Variants in MTMR7 observed in about 807,000 individuals in gnomAD.
The protein encoded by MTMR7 is phosphatidylinositol-3-phosphate phosphatase MTMR7.
A neutral mutation model predicts 81.2 loss-of-function variants in MTMR7; 76 were observed. The ratio of observed to expected loss-of-function variants is 0.94; its 90% CI spans 0.78 to 1.13. The LOEUF (loss-of-function observed/expected upper bound fraction) is 1.13. Among genes scored for constraint, MTMR7 ranks in the 50% most tolerant of loss-of-function variants. The pLI is 0.00. For synonymous variants in MTMR7, 372 were observed against 289.8 expected, an observed-to-expected ratio of 1.28 and a Z score of -2.88; for missense variants, 1,044 against 820.0, an observed-to-expected ratio of 1.27 and a Z score of -3.34.
At chr8:17,369,558 T>TTAATA (rs769222620) in intron 3 of MTMR7, among the ~76,000 whole-genome samples, 17 of 152,234 alleles carry the variant, frequency 1.1e-4, no homozygotes, top group Admixed American at 3.3e-4. Flanking sequence ...TACTTCTGTG[T>TTAATA]AGCACAACTT....
At chr8:17,334,743 A>G (rs1819172494) in intron 6 of MTMR7, among the ~76,000 whole-genome samples, 1 of 152,228 alleles carries the variant, frequency 6.6e-6, no homozygotes, top group Non-Finnish European at 1.5e-5. Flanking sequence ...GTGGTCCCAG[A>G]TGACATCCAC....
rs1816932137 is a variant in MTMR7, at chr8:17,299,135, CA to C, written c.*726del. On this transcript the variant is annotated 3_prime_UTR_variant, in exon 14 of 14. Coordinates refer to ENST00000180173, the MANE Select transcript of MTMR7 (RefSeq NM_004686.5). ...TGATACTTAAATTCATATGTAAGAC[CA>C]GGAGAATGAATGTTGCTTCTACCTC... The C allele has an allele frequency of 6.6e-6, 1 of 152,122 alleles. No individual in the cohort carries two copies. The highest frequency in any genetic ancestry group is 2.4e-5 in the African/African-American group (1 of 41,410). The allele number at this position is 152,122 out of a possible 1,614,324, so 9.4% of individuals were successfully genotyped here.
intron 10 of MTMR7, among the ~76,000 whole-genome samples, chr8:17,307,236 G>C (rs987335265): frequency 1.4e-4 from 21 of 152,160 alleles, no homozygotes; most frequent in Admixed American, 1.3e-3. Context: ...GATATGAAAA[G>C]ACACTTCTCA....
intron 4 of MTMR7, among the ~76,000 whole-genome samples, chr8:17,356,794 A>C (rs1017200500): frequency 1.3e-5 from 2 of 152,164 alleles, no homozygotes; most frequent in African/African-American, 4.8e-5. Flanking sequence ...CAGAAGTGGC[A>C]CTGTGGGATC....
chr8:17,353,404 T>C (rs1819787731), intron 4 of MTMR7, among the ~76,000 whole-genome samples: 1 of 152,148 alleles, frequency 6.6e-6, no homozygotes, highest in South Asian at 2.1e-4. Flanking sequence ...AACTATACCT[T>C]AAAAATGACT....
chr8:17,313,922 C>T (rs188130061), intron 7 of MTMR7, among the ~76,000 whole-genome samples: 40 of 152,304 alleles, frequency 2.6e-4, no homozygotes, highest in African/African-American at 8.4e-4. Flanking sequence ...CAATAACCCC[C>T]ACCCAATGGG....
chr8:17,359,047 C>A (rs941084823), intron 4 of MTMR7, among the ~76,000 whole-genome samples: 2 of 152,030 alleles, frequency 1.3e-5, no homozygotes, highest in Non-Finnish European at 2.9e-5. Flanking sequence ...GTGCACACCT[C>A]CATGTCCAGC....
chr8:17,352,744 C>T (rs547800330), intron 4 of MTMR7, among the ~76,000 whole-genome samples: 19 of 152,292 alleles, frequency 1.2e-4, no homozygotes, highest in African/African-American at 4.6e-4. Context: ...TGCTAACTCA[C>T]AATTGTTAGG....
At position 17,373,277 on chromosome 8, in the gene MTMR7, A is replaced by G. The variant is rs1820476013; in HGVS notation, c.25-37T>C. 2.5e-6 allele frequency: 4 copies of G among 1,579,348 alleles called. No individual in the cohort carries two copies. The African/African-American group carries it at 4.1e-5, about 16-fold the overall frequency. ...GGCATGATGAAAAGAGTTACCGTAA[A>G]GCAGAAGAGCAATTCACGAAATAAA... is the stretch of plus-strand genomic sequence containing the variant. On this transcript the variant is annotated intron_variant, in intron 1 of 13. Coordinates refer to ENST00000180173, the MANE Select transcript of MTMR7 (RefSeq NM_004686.5).
chr8:17,396,548 G>C (rs1821256998), intron 1 of MTMR7, among the ~76,000 whole-genome samples: 2 of 152,142 alleles, frequency 1.3e-5, no homozygotes, highest in South Asian at 4.1e-4. Context: ...CTTAGCTAGA[G>C]GGAAATTGCC....
Position 17,311,609 on chromosome 8 carries a change from G to A in MTMR7, c.1003C>T (p.Leu335Phe). Residue 335 changes from leucine (L) to phenylalanine (F), a missense_variant, in exon 9 of 14, where the codon CTT (leucine) becomes TTT (phenylalanine). By Grantham distance (22) the Leu-to-Phe change is conservative. Coordinates refer to ENST00000180173, the MANE Select transcript of MTMR7 (RefSeq NM_004686.5). ...TCCCAGCCATCAGAACAGTGAACAA[G>A]CACACTTGCCCCTTCCTCTGACACT... ...KAVSEEGASVLVHCSDGWDRT... is the reference protein window; with the variant it reads ...KAVSEEGASVFVHCSDGWDRT... 1.2e-6 allele frequency: 2 copies of A among 1,614,060 alleles called. No individual in the cohort carries two copies. The highest frequency in any genetic ancestry group is 1.7e-6 in the Non-Finnish European group (2 of 1,180,002).
At chr8:17,304,746 C>CGTGTGTGTGTGTGTGCGT (rs1817341326) in intron 11 of MTMR7, among the ~76,000 whole-genome samples, 1 of 146,992 alleles carries the variant, frequency 6.8e-6, no homozygotes, top group South Asian at 2.1e-4. Context: ...GTGTTCGATT[C>CGTGTGTGTGTGTGTGCGT]GTGTGTGTGT....
chr8:17,378,866 T>C (rs1820672759), intron 1 of MTMR7, among the ~76,000 whole-genome samples: 1 of 152,202 alleles, frequency 6.6e-6, no homozygotes, highest in South Asian at 2.1e-4. Context: ...GTCTTAGATT[T>C]GTTGAAATGT....
At chr8:17,309,383 A>G in intron 9 of MTMR7, 57 bp from the exon 10 acceptor site, 1 of 1,170,192 alleles carries the variant, frequency 8.5e-7, no homozygotes, top group Non-Finnish European at 1.3e-6. Context: ...ATAAGAGACC[A>G]CACAACCAAT....
At chr8:17,320,489 C>G (rs1402154098) in intron 7 of MTMR7, among the ~76,000 whole-genome samples, 1 of 152,012 alleles carries the variant, frequency 6.6e-6, no homozygotes, top group African/African-American at 2.4e-5. Context: ...CAGGAGCATT[C>G]TGAGAGGCAG....
At chr8:17,316,348 TA>T (rs1818070548) in intron 7 of MTMR7, among the ~76,000 whole-genome samples, 1 of 151,982 alleles carries the variant, frequency 6.6e-6, no homozygotes, top group African/African-American at 2.4e-5. Context: ...ATTATGTAAA[TA>T]AATTTCATTA....
intron 7 of MTMR7, among the ~76,000 whole-genome samples, chr8:17,329,636 A>C (rs1479404784): frequency 6.6e-6 from 1 of 152,252 alleles, no homozygotes; most frequent in Non-Finnish European, 1.5e-5. Flanking sequence ...GAAATGACTA[A>C]ATAAAAAATT....
At chr8:17,313,194 C>A in intron 8 of MTMR7, 98 bp downstream of exon 8, 2 of 807,430 alleles carry the variant, frequency 2.5e-6, no homozygotes, top group Non-Finnish European at 4.1e-6. Flanking sequence ...CAGTGCAGTG[C>A]AGCTTAAGAC....
At chr8:17,309,034 A>C (rs1817642544) in intron 10 of MTMR7, among the ~76,000 whole-genome samples, 1 of 152,240 alleles carries the variant, frequency 6.6e-6, no homozygotes, top group Non-Finnish European at 1.5e-5. Flanking sequence ...TAAGACAATG[A>C]ACAAGCATTC....
Sources: allele counts gnomAD v4.1 joint callset (sites outside exome capture counted in the v4.1 genomes callset), GRCh38; gene constraint gnomAD v4.1.1; transcripts MANE v1.5; gene names NCBI Gene and HGNC (gene_info 2026-07-23, HGNC 2026-07-21).